HELZ: variants seen among roughly 807,000 people sequenced by gnomAD.
The protein encoded by HELZ is ATP-dependent RNA helicase with zinc finger domain.
In HELZ, 23 loss-of-function variants were observed where a neutral mutation model predicts 218.2. That is an observed-to-expected ratio of 0.11 (90% CI 0.08 to 0.15). HELZ has a LOEUF of 0.15. Ranked by LOEUF, HELZ falls within the 10% of genes least tolerant of loss-of-function variation. The pLI, the probability that HELZ is intolerant of heterozygous loss-of-function variation, is 1.00. For synonymous variants in HELZ, 814 were observed against 829.4 expected (o/e 0.98, Z 0.32); for missense variants, 1,813 against 2,353.7 (o/e 0.77, Z 4.75).
At chr17:67,113,052 G>C (rs146496766) in intron 28 of HELZ, among the ~76,000 whole-genome samples, 84 of 152,192 alleles carry the variant, frequency 5.5e-4, no homozygotes, top group African/African-American at 1.8e-3. Context: ...TAAGAGGTGA[G>C]GAAGAAAGGA....
Position 67,074,595 on chromosome 17 carries a change from C to T in HELZ, c.*3657G>A, listed in dbSNP as rs941904896. ...CTCTTGACATGAAAAATATTAAACACATAAAATCAACTACACTAGAGCAAC... is the reference window on the plus strand; with the variant it reads ...CTCTTGACATGAAAAATATTAAACATATAAAATCAACTACACTAGAGCAAC... On this transcript the variant is annotated 3_prime_UTR_variant, in exon 33 of 33. Transcript: ENST00000358691. 1 of 152,216 alleles carries T rather than the reference C, an allele frequency of 6.6e-6. No individual in the cohort carries two copies. Among genetic ancestry groups the T allele is most frequent in the East Asian group, 1.9e-4 (1 of 5,190 alleles). The allele number at this position is 152,216 out of a possible 1,614,324, so 9.4% of individuals were successfully genotyped here. A position where few individuals can be genotyped will look rare whatever the true frequency, so the allele number is the denominator to read the frequency against.
At chr17:67,203,239 T>C in intron 6 of HELZ, 80 bp downstream of exon 6, 1 of 1,404,404 alleles carries the variant, frequency 7.1e-7, no homozygotes, top group Non-Finnish European at 9.7e-7. Flanking sequence ...AAAGATACAC[T>C]TTTTTTTCCC....
intron 3 of HELZ, among the ~76,000 whole-genome samples, chr17:67,228,956 G>A (rs2040965492): frequency 1.3e-5 from 2 of 152,044 alleles, no homozygotes; most frequent in South Asian, 2.1e-4. Context: ...AACCTCAGGT[G>A]ATCCGCCCGC....
At chr17:67,150,380 C>T (rs533258609) in intron 18 of HELZ, among the ~76,000 whole-genome samples, 14 of 152,122 alleles carry the variant, frequency 9.2e-5, no homozygotes, top group African/African-American at 3.1e-4. Context: ...CCGCCTGCCT[C>T]GGCCTCCCAA....
At chr17:67,140,623 A>G (rs1460734611) in intron 21 of HELZ, among the ~76,000 whole-genome samples, 1 of 152,184 alleles carries the variant, frequency 6.6e-6, no homozygotes, top group East Asian at 1.9e-4. Flanking sequence ...ATCTGATGGG[A>G]GAACAGGAGG....
intron 3 of HELZ, among the ~76,000 whole-genome samples, chr17:67,220,074 C>T (rs2040704452): frequency 6.6e-6 from 1 of 152,226 alleles, no homozygotes; most frequent in Non-Finnish European, 1.5e-5. Context: ...TCCACCTTAA[C>T]CGCTGGCCTT....
intron 31 of HELZ, among the ~76,000 whole-genome samples, chr17:67,105,098 G>A (rs1161891169): frequency 1.3e-5 from 2 of 152,110 alleles, no homozygotes; most frequent in Non-Finnish European, 2.9e-5. Flanking sequence ...ATGCCACTGC[G>A]CTCCAGCCTG....
At chr17:67,125,833 T>C (rs191450970) in intron 24 of HELZ, among the ~76,000 whole-genome samples, 11 of 152,220 alleles carry the variant, frequency 7.2e-5, no homozygotes, top group Admixed American at 5.9e-4. Flanking sequence ...AGCAGAGAAA[T>C]TTCTCTGGCT....
intron 17 of HELZ, among the ~76,000 whole-genome samples, chr17:67,159,237 T>C (rs1475115992): frequency 6.6e-6 from 1 of 152,182 alleles, no homozygotes; most frequent in East Asian, 1.9e-4. Context: ...TCTCATTAAA[T>C]ACAACCAGAT....
At chr17:67,110,685 T>C (rs1181670809) in intron 28 of HELZ, among the ~76,000 whole-genome samples, 2 of 152,124 alleles carry the variant, frequency 1.3e-5, no homozygotes, top group East Asian at 3.9e-4. Context: ...CTCACCAGGT[T>C]TTGTAAATAA....
Position 67,151,227 on chromosome 17 carries a change from G to A in HELZ, c.2178-3C>T. On this transcript the variant is annotated splice_polypyrimidine_tract_variant and splice_region_variant and intron_variant, in intron 17 of 32. Transcript: ENST00000358691. ...CCCAGCGATTTCTGAAATATACCCT[G>A]GAAAAGAAGAAAATATTTCTGATTT... 8 of 1,588,586 alleles carry A rather than the reference G, an allele frequency of 5.0e-6. No homozygotes were observed. The highest frequency in any genetic ancestry group is 1.1e-5 in the South Asian group (1 of 87,362).
In HELZ at chr17:67,178,661, G is replaced by A; in HGVS notation, c.1428C>T (p.Ser476=). Residue 476 remains serine, a splice_region_variant and synonymous_variant, in exon 13 of 33, where the codon AGC becomes AGT. Transcript: ENST00000358691. Reference sequence around the variant, plus strand: ...AAAGTGTTTCTAAAGTAACTTACTTGCTGATTTCTTTATACTGGGCTATCT... The same window carrying A: ...AAAGTGTTTCTAAAGTAACTTACTTACTGATTTCTTTATACTGGGCTATCT... ...IEEIAQYKEI[S]KFNLKVQLQI... is the part of the protein sequence containing the mutation. 6.2e-7 allele frequency: 1 copy of A among 1,600,652 alleles called. No homozygotes were observed. The highest frequency in any genetic ancestry group is 8.5e-7 in the Non-Finnish European group (1 of 1,173,966).
chr17:67,137,881 C>G (rs2038201772), intron 22 of HELZ, 50 bp downstream of exon 22: 1 of 1,388,412 alleles, frequency 7.2e-7, no homozygotes, highest in East Asian at 2.4e-5. Context: ...TGTGAACACA[C>G]TTTAGATTTA....
At chr17:67,105,156 A>G (rs1275558430) in intron 31 of HELZ, among the ~76,000 whole-genome samples, 3 of 152,144 alleles carry the variant, frequency 2.0e-5, no homozygotes, top group Non-Finnish European at 2.9e-5. Flanking sequence ...ACAACACTAC[A>G]ATGAGATCCT....
chr17:67,121,448 T>TG (rs1190359025), intron 26 of HELZ, among the ~76,000 whole-genome samples: 1 of 152,192 alleles, frequency 6.6e-6, no homozygotes, highest in Non-Finnish European at 1.5e-5. Context: ...CTGAAGTCTA[T>TG]GGGGAGTGGG....
intron 3 of HELZ, among the ~76,000 whole-genome samples, chr17:67,236,380 T>A (rs550250228): frequency 3.7e-4 from 56 of 152,282 alleles, no homozygotes; most frequent in Admixed American, 9.2e-4. Context: ...TGAGGAGCCA[T>A]AAAAACACTG....
At chr17:67,130,329 G>GA (rs2037938856) in intron 23 of HELZ, among the ~76,000 whole-genome samples, 1 of 150,918 alleles carries the variant, frequency 6.6e-6, no homozygotes, top group Non-Finnish European at 1.5e-5. Flanking sequence ...TAAAGCTGTC[G>GA]AAAAAAGAAT....
intron 31 of HELZ, 118 bp downstream of exon 31, chr17:67,107,051 A>T (rs1913475249): frequency 1.0e-6 from 1 of 994,196 alleles, no homozygotes; most frequent in Non-Finnish European, 1.5e-6. Flanking sequence ...CCAAGAAAGG[A>T]TTATCTTTAA....
At chr17:67,177,075 C>T (rs1567866077) in intron 13 of HELZ, among the ~76,000 whole-genome samples, 1 of 151,568 alleles carries the variant, frequency 6.6e-6, no homozygotes, top group African/African-American at 2.4e-5. Context: ...TGGGCTCAAG[C>T]GATTCTCCCA....
Sources: allele counts gnomAD v4.1 joint callset (sites outside exome capture counted in the v4.1 genomes callset), GRCh38; gene constraint gnomAD v4.1.1; transcripts MANE v1.5; gene names NCBI Gene and HGNC (gene_info 2026-07-23, HGNC 2026-07-21).